The following URI1 variants were observed in gnomAD, a reference collection of about 807,000 sequenced individuals.
URI1 encodes the protein unconventional prefoldin RPB5 interactor 1.
Under a neutral mutation model 60.2 loss-of-function variants are expected in URI1, and 39 were observed. The observed-to-expected ratio is 0.65, with a 90% confidence interval of 0.50 to 0.85. The LOEUF (loss-of-function observed/expected upper bound fraction) is 0.85, where lower values mean the gene tolerates loss of function less well. Ranked by LOEUF, URI1 falls within the 40% of genes least tolerant of loss-of-function variation. URI1 has a pLI of 0.00. For synonymous variants in URI1, 251 were observed against 236.8 expected (o/e 1.06, Z -0.55); for missense variants, 691 against 665.9 (o/e 1.04, Z -0.42).
chr19:29,957,755 T>C (rs2055267935), intron 1 of URI1, among the ~76,000 whole-genome samples: 1 of 152,176 alleles, frequency 6.6e-6, no homozygotes, highest in South Asian at 2.1e-4. Context: ...AGTTTTAAAA[T>C]CTATGAACAT....
intron 1 of URI1, chr19:29,956,627 A>G: frequency 1.3e-6 from 2 of 1,505,224 alleles, no homozygotes; most frequent in Non-Finnish European, 1.8e-6. Flanking sequence ...CTGCGGATGT[A>G]TTTTTCACCC....
At position 29,986,413 on chromosome 19, in the gene URI1, A is replaced by G. The variant is rs752394955; in HGVS notation, c.363A>G (p.Lys121=). Residue 121 remains lysine (K), a synonymous_variant, in exon 4 of 11, where the codon AAA becomes AAG. Coordinates refer to ENST00000392271, the MANE Select transcript of URI1 (RefSeq NM_003796.3). ...KQAVGLVEHR[K]EHVRKTIDDL... ...CTGTAGGTTTAGTTGAGCACCGGAA[A>G]GAACGTAGGTACCCATTTTAAATGA... The G allele has an allele frequency of 2.3e-5, 37 of 1,606,386 alleles. 2 individuals are homozygous for G. The Middle Eastern group carries it at 5.0e-4, about 22-fold the overall frequency.
At chr19:29,997,252 A>T (rs1231481395) in intron 4 of URI1, among the ~76,000 whole-genome samples, 1 of 152,140 alleles carries the variant, frequency 6.6e-6, no homozygotes, top group Non-Finnish European at 1.5e-5. Flanking sequence ...ACTTGTTACA[A>T]GTCTATTCAG....
intron 1 of URI1, among the ~76,000 whole-genome samples, chr19:29,946,586 C>T (rs1346757733): frequency 6.6e-6 from 1 of 152,144 alleles, no homozygotes; most frequent in Admixed American, 6.5e-5. Flanking sequence ...ATAGCTTATA[C>T]TTCCTGATAT....
At position 29,986,282 on chromosome 19, in the gene URI1, G is replaced by A. The variant is rs765228231; in HGVS notation, c.232G>A (p.Val78Ile). The change falls in exon 4 of 11, where the codon GTA (valine) becomes ATA (isoleucine). Residue 78 changes from valine (V) to isoleucine (I), a missense_variant and splice_region_variant. Val to Ile is a conservative substitution (Grantham distance 29). Transcript: ENST00000392271. ...TTTTTTCTTTTTTTTTAAACAATAG[G>A]TACCATTTGGCCCTTTTGCCTTCAT... ...LPDKLSYNIM[V>I]PFGPFAFMPG... The A allele has an allele frequency of 9.5e-6, 15 of 1,578,722 alleles. No homozygotes were observed. The South Asian group carries it at 1.5e-4, about 16-fold the overall frequency.
rs1378715198 is a variant in URI1, at chr19:29,942,522, G to T, written c.-26G>T. The T allele has an allele frequency of 7.4e-7, 1 of 1,353,568 alleles. No individual in the cohort carries two copies. The highest frequency in any genetic ancestry group is 9.5e-7 in the Non-Finnish European group (1 of 1,051,394). The allele number at this position is 1,353,568 out of a possible 1,614,324, so 83.8% of individuals were successfully genotyped here. ...GCAGGCGCTGGTTCAGGACTCACAC[G>T]CCGCGCTGAGGCCCGCGGGCCCGTC... On this transcript the variant is annotated 5_prime_UTR_variant, in exon 1 of 11. Transcript: ENST00000392271.
upstream of URI1, among the ~76,000 whole-genome samples, chr19:29,938,593 G>A (rs1368544189): frequency 2.6e-5 from 4 of 152,102 alleles, no homozygotes; most frequent in African/African-American, 9.7e-5. Context: ...GTCAACTCTT[G>A]TCTCCCATTC....
rs34820413 is a variant in URI1 at position 29,935,700 on chromosome 19, C to CTTTT, written c.63+11957_63+11960dup. ...TGGTAGGAAATTCTTGGTTGACAGTCTTTTTTTTTTTTTTCCCCAGGACTT... is the reference window on the plus strand; with the variant it reads ...TGGTAGGAAATTCTTGGTTGACAGTCTTTTTTTTTTTTTTTTTTCCCCAGGACTT... On this transcript the variant is annotated intron_variant, in intron 1 of 10. Coordinates refer to the URI1 transcript ENST00000360605. 3.8e-4 allele frequency among the ~76,000 whole-genome samples: 50 copies of CTTTT among 131,870 alleles called. 2 individuals carry two copies. The highest frequency in any genetic ancestry group is 1.0e-3 in the African/African-American group (36 of 34,398). The allele number at this position is 131,870 out of a possible 152,430, so 86.5% of individuals were successfully genotyped here.
chr19:30,001,511 AAC>A (rs1169610740), intron 4 of URI1, among the ~76,000 whole-genome samples: 69 of 151,880 alleles, frequency 4.5e-4, no homozygotes, highest in African/African-American at 1.5e-3. Flanking sequence ...CATCTCTACA[AAC>A]CACTCTAAGC....
At chr19:29,971,785 C>T (rs1367919797) in intron 2 of URI1, among the ~76,000 whole-genome samples, 1 of 151,072 alleles carries the variant, frequency 6.6e-6, no homozygotes, top group East Asian at 1.9e-4. Flanking sequence ...CCTTTGGCTT[C>T]TGAGGAAAAT....
intron 1 of URI1, among the ~76,000 whole-genome samples, chr19:29,955,079 C>T (rs143360445): frequency 2.5e-3 from 376 of 151,406 alleles, no homozygotes; most frequent in African/African-American, 7.9e-3. Flanking sequence ...TTCTCGGCTC[C>T]GCCTCCCGGG....
Position 30,015,811 on chromosome 19 carries a change from A to C in URI1, c.*742A>C, listed in dbSNP as rs190473684. On this transcript the variant is annotated 3_prime_UTR_variant, in exon 11 of 11. Coordinates refer to ENST00000392271, the MANE Select transcript of URI1 (RefSeq NM_003796.3). The stretch of plus-strand genomic sequence containing the variant: ...AGATCTGGAATTCTTTCAGTTCCTC[A>C]GATACTTCTCCCTTAGTTTTTGCAG... 7.2e-6 allele frequency: 3 copies of C among 417,574 alleles called. No homozygotes were observed. The Admixed American group carries it at 1.3e-4, about 18-fold the overall frequency. 25.9% of individuals were successfully genotyped at this position (417,574 alleles called of 1,614,324 possible).
At chr19:29,977,581 C>G (rs1215782072) in intron 2 of URI1, among the ~76,000 whole-genome samples, 1 of 8,256 alleles carries the variant, frequency 1.2e-4, no homozygotes, top group Non-Finnish European at 2.0e-4. Flanking sequence ...TTTTTCCCTC[C>G]TCTTGAGCAG....
chr19:30,013,953 T>TA (rs1187154186), intron 10 of URI1, among the ~76,000 whole-genome samples: 2 of 151,986 alleles, frequency 1.3e-5, no homozygotes, highest in Non-Finnish European at 2.9e-5. Context: ...ATTTAGGTGT[T>TA]ACGTTGTTTT....
chr19:29,941,532 G>C (rs375870135), upstream of URI1, among the ~76,000 whole-genome samples: 9 of 151,828 alleles, frequency 5.9e-5, no homozygotes, highest in East Asian at 9.7e-4. Context: ...GAGGTGGGAA[G>C]ATCGCTTGAG....
intron 1 of URI1, among the ~76,000 whole-genome samples, chr19:29,951,525 C>G (rs77858500): frequency 2.6e-5 from 4 of 151,248 alleles, no homozygotes; most frequent in African/African-American, 9.7e-5. Context: ...CAATGGGAGC[C>G]CCTTCAAGCT....
At chr19:29,964,452 G>GTTT (rs1380907956) in intron 1 of URI1, among the ~76,000 whole-genome samples, 7 of 137,260 alleles carry the variant, frequency 5.1e-5, no homozygotes, top group African/African-American at 1.9e-4. Context: ...TTTTGTTTTT[G>GTTT]TTTTTTGTTT....
At chr19:29,980,256 T>C (rs1431040140) in intron 2 of URI1, 4 of 151,786 alleles carry the variant, frequency 2.6e-5, no homozygotes, top group African/African-American at 9.7e-5. Context: ...TATGTGTGAG[T>C]GATGATCCCT....
chr19:30,007,697 A>C, intron 7 of URI1, 59 bp downstream of exon 7: 1 of 1,420,432 alleles, frequency 7.0e-7, no homozygotes. Flanking sequence ...TTTCCTCATT[A>C]ATCTTTTTCT....
Sources: allele counts gnomAD v4.1 joint callset (sites outside exome capture counted in the v4.1 genomes callset), GRCh38; gene constraint gnomAD v4.1.1; transcripts MANE v1.5; gene names NCBI Gene and HGNC (gene_info 2026-07-23, HGNC 2026-07-21).